Variants in COLEC12 observed in about 807,000 individuals in gnomAD.
COLEC12 encodes collectin-12.
Under a neutral mutation model 71.1 loss-of-function variants are expected in COLEC12, and 33 were observed. The ratio of observed to expected loss-of-function variants is 0.46; its 90% CI spans 0.35 to 0.62. The LOEUF is 0.62. COLEC12 is among the 20% of genes least tolerant of loss of function. The pLI is 0.00. For missense variants in COLEC12, 765 were observed against 916.1 expected (o/e 0.84, Z 2.13); for synonymous variants, 350 against 353.0 (o/e 0.99, Z 0.10).
chr18:390,668 G>A (rs1223560537), intron 2 of COLEC12, among the ~76,000 whole-genome samples: 1 of 152,154 alleles, frequency 6.6e-6, no homozygotes, highest in Non-Finnish European at 1.5e-5. Context: ...GATGAGGCAG[G>A]AGAATTGCTT....
At chr18:436,537 G>T (rs907260170) in intron 2 of COLEC12, among the ~76,000 whole-genome samples, 3 of 113,998 alleles carry the variant, frequency 2.6e-5, no homozygotes, top group African/African-American at 9.5e-5. Context: ...GGGGGGGGGG[G>T]GGAAACAGGG....
At chr18:347,426 G>A in intron 4 of COLEC12, 85 bp from the exon 5 acceptor site, 1 of 1,086,970 alleles carries the variant, frequency 9.2e-7, no homozygotes, top group Non-Finnish European at 1.4e-6. Flanking sequence ...CACTTAATCG[G>A]TATGCACTGT....
rs145199930 is a variant in COLEC12 at position 347,249 on chromosome 18, T to C, written c.373A>G (p.Ile125Val). ...TTGTTCTTGCTGGTTTTTTCTGTAA[T>C]CTCACGAAGTTGCTGACGGAGATCT... ...ILDLRQQLREITEKTSKNKDT... is the reference protein window; with the variant it reads ...ILDLRQQLREVTEKTSKNKDT... The change falls in exon 5 of 10, where the codon ATT becomes GTT. Residue 125 changes from isoleucine to valine, a missense_variant. Transcript: ENST00000400256. 7 of 1,614,076 alleles carry C rather than the reference T, an allele frequency of 4.3e-6. No homozygotes were observed. The highest frequency in any genetic ancestry group is 5.1e-6 in the Non-Finnish European group (6 of 1,180,042).
intron 2 of COLEC12, among the ~76,000 whole-genome samples, chr18:437,252 T>C (rs1916425121): frequency 6.6e-6 from 1 of 152,206 alleles, no homozygotes; most frequent in Non-Finnish European, 1.5e-5. Context: ...TTATGGGCTA[T>C]ACAACATAAA....
intron 2 of COLEC12, among the ~76,000 whole-genome samples, chr18:374,161 G>A (rs1225891743): frequency 1.3e-5 from 2 of 152,206 alleles, no homozygotes; most frequent in African/African-American, 2.4e-5. Flanking sequence ...TAAAGCCATT[G>A]AGAAAAGCGG....
chr18:351,372 G>A (rs989415843), intron 3 of COLEC12, among the ~76,000 whole-genome samples: 17 of 151,830 alleles, frequency 1.1e-4, no homozygotes, highest in South Asian at 6.2e-4. Context: ...ACCCTTTGCC[G>A]AGGTGCACCT....
At chr18:324,844 G>A (rs1913799506) in intron 8 of COLEC12, among the ~76,000 whole-genome samples, 1 of 151,816 alleles carries the variant, frequency 6.6e-6, no homozygotes, top group Non-Finnish European at 1.5e-5. Flanking sequence ...AAAAAAATAG[G>A]ATTTAGAATA....
chr18:428,022 C>T (rs1047854795), intron 2 of COLEC12, among the ~76,000 whole-genome samples: 2 of 152,030 alleles, frequency 1.3e-5, no homozygotes, highest in Admixed American at 6.6e-5. Context: ...CCCAGCACTT[C>T]GGGAGGATGA....
intron 2 of COLEC12, among the ~76,000 whole-genome samples, chr18:457,165 C>T (rs1916889569): frequency 6.6e-6 from 1 of 152,172 alleles, no homozygotes; most frequent in African/African-American, 2.4e-5. Flanking sequence ...TGCCGATCTG[C>T]TGACAAGGAG....
intron 2 of COLEC12, among the ~76,000 whole-genome samples, chr18:441,839 A>C (rs1727591394): frequency 6.7e-6 from 1 of 149,974 alleles, no homozygotes; most frequent in Non-Finnish European, 1.5e-5. Flanking sequence ...TCTACAAAAA[A>C]AATACAAAAA....
Position 450,490 on chromosome 18 carries a change from T to C in COLEC12, c.58+30217A>G, listed in dbSNP as rs1205137276. 2.0e-5 allele frequency among the ~76,000 whole-genome samples: 3 copies of C among 152,350 alleles called. No homozygotes were observed. The East Asian group carries it at 5.8e-4, about 29-fold the overall frequency. The stretch of plus-strand genomic sequence containing the variant: ...GCTCTGGCCATTAAGATGTGCCTGC[T>C]TCCCCTTCACCTTCTACCATGATTT... On this transcript the variant is annotated intron_variant, in intron 2 of 9. Coordinates refer to ENST00000400256, the MANE Select transcript of COLEC12 (RefSeq NM_130386.3).
At chr18:376,553 C>T (rs1915118988) in intron 2 of COLEC12, among the ~76,000 whole-genome samples, 1 of 152,116 alleles carries the variant, frequency 6.6e-6, no homozygotes, top group African/African-American at 2.4e-5. Context: ...GATCATTTTG[C>T]TTCCTTAAAA....
At chr18:333,237 C>CA in intron 6 of COLEC12, 94 bp from the exon 7 acceptor site, 1 of 1,080,938 alleles carries the variant, frequency 9.3e-7, no homozygotes, top group Non-Finnish European at 1.3e-6. Flanking sequence ...ACTGTGGTCC[C>CA]GCTGGGAGCA....
At chr18:420,000 A>AG (rs1191415096) in intron 2 of COLEC12, among the ~76,000 whole-genome samples, 4 of 152,160 alleles carry the variant, frequency 2.6e-5, no homozygotes, top group Non-Finnish European at 5.9e-5. Context: ...AGGGAGCCCA[A>AG]GCTGGTTACT....
chr18:499,528 C>T (rs1598384629), intron 1 of COLEC12, among the ~76,000 whole-genome samples: 1 of 152,216 alleles, frequency 6.6e-6, no homozygotes, highest in Admixed American at 6.5e-5. Context: ...TCTGTGGCGG[C>T]TGGAAGCGGG....
At chr18:456,959 T>A (rs1477705915) in intron 2 of COLEC12, among the ~76,000 whole-genome samples, 1 of 152,176 alleles carries the variant, frequency 6.6e-6, no homozygotes, top group African/African-American at 2.4e-5. Flanking sequence ...GCCCTCCCAC[T>A]TCTCGGCTCG....
At chr18:467,945 A>G (rs1175935920) in intron 2 of COLEC12, among the ~76,000 whole-genome samples, 1 of 152,190 alleles carries the variant, frequency 6.6e-6, no homozygotes, top group Non-Finnish European at 1.5e-5. Context: ...AATTGTTGGA[A>G]TAAGGAAGAG....
chr18:468,849 T>C (rs1183289196), intron 2 of COLEC12, among the ~76,000 whole-genome samples: 2 of 152,248 alleles, frequency 1.3e-5, no homozygotes, highest in Admixed American at 6.5e-5. Context: ...CGGACTTCAC[T>C]GTTTATCGGA....
intron 2 of COLEC12, among the ~76,000 whole-genome samples, chr18:370,180 C>T (rs1914969804): frequency 1.3e-5 from 2 of 152,192 alleles, no homozygotes; most frequent in South Asian, 4.1e-4. Flanking sequence ...TGAACTTCAG[C>T]TCTTACAGCA....
Sources: gnomAD v4.1 joint callset for allele counts (sites outside exome capture counted in the v4.1 genomes callset) on GRCh38, gnomAD v4.1.1 for gene constraint, MANE v1.5 for transcripts, NCBI Gene and HGNC (gene_info 2026-07-23, HGNC 2026-07-21) for gene names.